Variants in CLEC3A observed in about 807,000 individuals in gnomAD.
CLEC3A encodes C-type lectin domain family 3 member A.
In CLEC3A, 28 loss-of-function variants were observed where a neutral mutation model predicts 20.4. The observed-to-expected ratio is 1.37, with a 90% confidence interval of 1.02 to 1.88. The LOEUF is 1.88. Among genes scored for constraint, CLEC3A ranks in the 40% most tolerant of loss-of-function variants. CLEC3A has a pLI of 0.00. For missense variants in CLEC3A, 357 were observed against 240.4 expected (o/e 1.48, Z -3.21); for synonymous variants, 110 against 88.1 (o/e 1.25, Z -1.39).
chr16:78,027,124 G>A (rs911388659), intron 1 of CLEC3A, among the ~76,000 whole-genome samples: 2 of 152,116 alleles, frequency 1.3e-5, no homozygotes, highest in African/African-American at 4.8e-5. Flanking sequence ...CATAAAGTGT[G>A]TATTCACTAG....
intron 1 of CLEC3A, among the ~76,000 whole-genome samples, chr16:78,024,028 A>G (rs2018782031): frequency 6.6e-6 from 1 of 152,166 alleles, no homozygotes; most frequent in Non-Finnish European, 1.5e-5. Context: ...AAGTGCTGGA[A>G]TTACAGGCGT....
At chr16:78,024,986 C>T (rs1250212257) in intron 1 of CLEC3A, among the ~76,000 whole-genome samples, 2 of 152,082 alleles carry the variant, frequency 1.3e-5, no homozygotes, top group Non-Finnish European at 2.9e-5. Flanking sequence ...GCCACCATGC[C>T]CAGCTGATAT....
intron 2 of CLEC3A, among the ~76,000 whole-genome samples, chr16:78,029,630 A>C (rs2030026468): frequency 6.6e-6 from 1 of 151,922 alleles, no homozygotes; most frequent in Non-Finnish European, 1.5e-5. Context: ...TGCCTCCCTA[A>C]GTGCTGGGAT....
Position 78,031,149 on chromosome 16 carries a change from C to T in CLEC3A, c.*308C>T, listed in dbSNP as rs1051640053. 8.2e-6 allele frequency: 2 copies of T among 243,162 alleles called. No homozygotes were observed. Among genetic ancestry groups the T allele is most frequent in the African/African-American group, 4.5e-5 (2 of 44,106 alleles). 15.1% of individuals were successfully genotyped at this position (243,162 alleles called of 1,614,324 possible). On this transcript the variant is annotated 3_prime_UTR_variant, in exon 3 of 3. Coordinates refer to ENST00000299642, the MANE Select transcript of CLEC3A (RefSeq NM_005752.6). The stretch of plus-strand genomic sequence containing the variant: ...CAAACCCAGTTTGTTTTCAAAAAAT[C>T]ACAGTAGCAATGCAACTCATCACTC...
intron 2 of CLEC3A, among the ~76,000 whole-genome samples, chr16:78,028,533 A>G (rs1425254683): frequency 6.6e-6 from 1 of 152,246 alleles, no homozygotes; most frequent in African/African-American, 2.4e-5. Flanking sequence ...CTATCAGGCC[A>G]CCAGGACTCT....
intron 1 of CLEC3A, among the ~76,000 whole-genome samples, chr16:78,024,770 T>C (rs779610490): frequency 6.4e-4 from 98 of 152,286 alleles, no homozygotes; most frequent in Admixed American, 2.4e-3. Context: ...CACCACAAAA[T>C]TATCCACTAT....
intron 2 of CLEC3A, among the ~76,000 whole-genome samples, chr16:78,030,152 CAA>C (rs56784347): frequency 5.0e-5 from 5 of 100,274 alleles, no homozygotes; most frequent in African/African-American, 1.2e-4. Flanking sequence ...GACTCCAACT[CAA>C]AAAAAAAAAA....
At chr16:78,023,126 T>C (rs1370671629) in intron 1 of CLEC3A, among the ~76,000 whole-genome samples, 3 of 152,248 alleles carry the variant, frequency 2.0e-5, no homozygotes, top group South Asian at 2.1e-4. Context: ...CTAGTAGATA[T>C]TGAGTAACTC....
chr16:78,026,303 C>A (rs999973100), intron 1 of CLEC3A, among the ~76,000 whole-genome samples: 6 of 152,214 alleles, frequency 3.9e-5, no homozygotes, highest in African/African-American at 1.4e-4. Flanking sequence ...GAATTTTAGA[C>A]TGTCCTGAAA....
intron 1 of CLEC3A, among the ~76,000 whole-genome samples, chr16:78,026,272 G>C (rs1454083170): frequency 1.3e-5 from 2 of 152,100 alleles, no homozygotes; most frequent in African/African-American, 4.8e-5. Flanking sequence ...ATGTTTAAGG[G>C]GACAGTGAAT....
At chr16:78,023,658 A>T (rs1567542517) in intron 1 of CLEC3A, among the ~76,000 whole-genome samples, 1 of 152,090 alleles carries the variant, frequency 6.6e-6, no homozygotes, top group South Asian at 2.1e-4. Flanking sequence ...CACATGACAG[A>T]TGGCTGGTGG....
Position 78,022,630 on chromosome 16 carries a change from G to A in CLEC3A, c.4G>A (p.Ala2Thr). 6.2e-7 allele frequency: 1 copy of A among 1,614,086 alleles called. No homozygotes were observed. The highest frequency in any genetic ancestry group is 8.5e-7 in the Non-Finnish European group (1 of 1,179,998). The change falls in exon 1 of 3, where the codon GCA (alanine) becomes ACA (threonine). Residue 2 changes from alanine (A) to threonine (T), a missense_variant. Transcript: ENST00000299642. ...TCAGCAGGCTTGCCCCAGAGCCATG[G>A]CAAAGAATGGACTTGTAATTTGCAT... Reference protein sequence around the residue: MAKNGLVICILV... With the variant: MTKNGLVICILV...
At chr16:78,025,662 A>C (rs2029893373) in intron 1 of CLEC3A, among the ~76,000 whole-genome samples, 1 of 152,234 alleles carries the variant, frequency 6.6e-6, no homozygotes, top group South Asian at 2.1e-4. Context: ...TTAGCTTCAA[A>C]CACAAGATCT....
In CLEC3A at chr16:78,022,581, C is replaced by G. The variant is rs1879065527; in HGVS notation, c.-46C>G. ...GCTGTGTAGTCTCCTTCCATAGCTGCTCTAAGGGGGCTGGCAACATGGCTC... is the reference window on the plus strand; with the variant it reads ...GCTGTGTAGTCTCCTTCCATAGCTGGTCTAAGGGGGCTGGCAACATGGCTC... On this transcript the variant is annotated 5_prime_UTR_variant, in exon 1 of 3. Transcript: ENST00000299642. The G allele has an allele frequency of 1.9e-6, 3 of 1,607,100 alleles. No homozygotes were observed. In the South Asian group the frequency reaches 3.3e-5, roughly 18 times the overall value.
At chr16:78,025,505 A>G (rs955823237) in intron 1 of CLEC3A, among the ~76,000 whole-genome samples, 3 of 152,150 alleles carry the variant, frequency 2.0e-5, no homozygotes, top group African/African-American at 7.2e-5. Flanking sequence ...ATTCCTATGT[A>G]TTTTGACAGT....
intron 1 of CLEC3A, among the ~76,000 whole-genome samples, chr16:78,027,290 G>T (rs752255886): frequency 6.6e-6 from 1 of 152,166 alleles, no homozygotes; most frequent in Non-Finnish European, 1.5e-5. Context: ...ACTGAGACTA[G>T]AGAATGAAGA....
At position 78,031,007 on chromosome 16, in the gene CLEC3A, T is replaced by C; in HGVS notation, c.*166T>C. ...AGCCAATTTTGCTAACACATTTCTT[T>C]GGGATTTTGCCCTTCCTGGGGTATA... On this transcript the variant is annotated 3_prime_UTR_variant, in exon 3 of 3. Coordinates refer to ENST00000299642, the MANE Select transcript of CLEC3A (RefSeq NM_005752.6). 1 of 750,354 alleles carries C rather than the reference T, an allele frequency of 1.3e-6. No homozygotes were observed. Among genetic ancestry groups the C allele is most frequent in the Non-Finnish European group, 2.1e-6 (1 of 483,580 alleles). 46.5% of individuals were successfully genotyped at this position (750,354 alleles called of 1,614,324 possible). A position where few individuals can be genotyped will look rare whatever the true frequency, so the allele number is the denominator to read the frequency against.
Position 78,031,007 on chromosome 16 carries a change from T to G in CLEC3A, c.*166T>G. On this transcript the variant is annotated 3_prime_UTR_variant, in exon 3 of 3. Transcript: ENST00000299642. ...AGCCAATTTTGCTAACACATTTCTT[T>G]GGGATTTTGCCCTTCCTGGGGTATA... 1 of 750,354 alleles carries G rather than the reference T, an allele frequency of 1.3e-6. No homozygotes were observed. Among genetic ancestry groups the G allele is most frequent in the Non-Finnish European group, 2.1e-6 (1 of 483,580 alleles). 46.5% of individuals were successfully genotyped at this position (750,354 alleles called of 1,614,324 possible). A position where few individuals can be genotyped will look rare whatever the true frequency, so the allele number is the denominator to read the frequency against.
rs1293655836 is a variant in CLEC3A at position 78,031,020 on chromosome 16, T to C, written c.*179T>C. On this transcript the variant is annotated 3_prime_UTR_variant, in exon 3 of 3. Coordinates refer to ENST00000299642, the MANE Select transcript of CLEC3A (RefSeq NM_005752.6). ...AACACATTTCTTTGGGATTTTGCCC[T>C]TCCTGGGGTATAGGGGATCAGAAAT... 4.6e-6 allele frequency: 3 copies of C among 652,930 alleles called. No homozygotes were observed. The allele number at this position is 652,930 out of a possible 1,614,324, so 40.4% of individuals were successfully genotyped here. A position where few individuals can be genotyped will look rare whatever the true frequency, so the allele number is the denominator to read the frequency against.
Sources: allele counts gnomAD v4.1 joint callset (sites outside exome capture counted in the v4.1 genomes callset), GRCh38; gene constraint gnomAD v4.1.1; transcripts MANE v1.5; gene names NCBI Gene and HGNC (gene_info 2026-07-23, HGNC 2026-07-21).